EPHA5: variants seen among roughly 807,000 people sequenced by gnomAD.
EPHA5 encodes the protein EPH receptor A5, also known as ephrin type-A receptor 5.
A neutral mutation model predicts 105.0 loss-of-function variants in EPHA5; 60 were observed. That is an observed-to-expected ratio of 0.57 (90% CI 0.46 to 0.71). The LOEUF (loss-of-function observed/expected upper bound fraction) is 0.71, where lower values mean the gene tolerates loss of function less well. Ranked by LOEUF, EPHA5 falls within the 30% of genes least tolerant of loss-of-function variation. EPHA5 has a pLI of 0.00. For synonymous variants in EPHA5, 513 were observed against 449.1 expected (o/e 1.14, Z -1.80); for missense variants, 1,218 against 1,274.7 (o/e 0.96, Z 0.68).
intron 16 of EPHA5, among the ~76,000 whole-genome samples, chr4:65,324,987 C>T (rs183930667): frequency 4.6e-5 from 7 of 151,204 alleles, no homozygotes; most frequent in Non-Finnish European, 7.4e-5. Flanking sequence ...GGTTTTTCAA[C>T]GTTCTTTTAC....
At chr4:65,484,608 G>A (rs920010024) in intron 5 of EPHA5, among the ~76,000 whole-genome samples, 9 of 152,006 alleles carry the variant, frequency 5.9e-5, no homozygotes, top group Non-Finnish European at 1.0e-4. Context: ...GTCTGTTTCG[G>A]CCCAGAATTA....
intron 3 of EPHA5, among the ~76,000 whole-genome samples, chr4:65,542,947 C>T (rs1736991230): frequency 6.6e-6 from 1 of 151,820 alleles, no homozygotes; most frequent in Non-Finnish European, 1.5e-5. Context: ...TAATCCATCA[C>T]ATAAGCAGAA....
chr4:65,634,503 C>CTTCTA (rs1430296514), intron 2 of EPHA5, among the ~76,000 whole-genome samples: 1 of 151,942 alleles, frequency 6.6e-6, no homozygotes, highest in Non-Finnish European at 1.5e-5. Context: ...AATATTTTGT[C>CTTCTA]TTCTATACTT....
chr4:65,421,384 C>T (rs2149039625), intron 5 of EPHA5, among the ~76,000 whole-genome samples: 1 of 152,160 alleles, frequency 6.6e-6, no homozygotes, highest in South Asian at 2.1e-4. Flanking sequence ...CCTCCTAGTT[C>T]ACTGTAGTGT....
At chr4:65,381,457 A>G (rs1230348351) in intron 8 of EPHA5, among the ~76,000 whole-genome samples, 1 of 151,740 alleles carries the variant, frequency 6.6e-6, no homozygotes, top group East Asian at 1.9e-4. Context: ...TGTACTTTAT[A>G]ATTTCAAAAA....
At chr4:65,515,652 A>T (rs754100082) in intron 3 of EPHA5, among the ~76,000 whole-genome samples, 3 of 152,152 alleles carry the variant, frequency 2.0e-5, no homozygotes, top group Non-Finnish European at 4.4e-5. Flanking sequence ...TAGAAACACA[A>T]TCTATTTTGT....
At chr4:65,589,338 A>T (rs929287470) in intron 3 of EPHA5, among the ~76,000 whole-genome samples, 4 of 152,048 alleles carry the variant, frequency 2.6e-5, no homozygotes, top group African/African-American at 9.7e-5. Flanking sequence ...CCCTCCTCAA[A>T]TGTAAGTACA....
At chr4:65,399,501 T>C (rs1233911177) in intron 8 of EPHA5, among the ~76,000 whole-genome samples, 1 of 152,198 alleles carries the variant, frequency 6.6e-6, no homozygotes. Flanking sequence ...GGCTTCTGCC[T>C]GGAAAAGCAA....
chr4:65,601,517 G>A (rs1324717218), intron 3 of EPHA5, 124 bp downstream of exon 3: 1 of 978,648 alleles, frequency 1.0e-6, no homozygotes, highest in Non-Finnish European at 1.5e-6. Context: ...AATAAAACTT[G>A]AGAGAAATAA....
intron 3 of EPHA5, among the ~76,000 whole-genome samples, chr4:65,517,733 G>A (rs1734244831): frequency 6.6e-6 from 1 of 151,642 alleles, no homozygotes; most frequent in Non-Finnish European, 1.5e-5. Context: ...GGTGGAAAAC[G>A]TTTTCTTTTT....
Position 65,490,606 on chromosome 4 carries a change from A to G in EPHA5, c.1173T>C (p.Tyr391=), listed in dbSNP as rs539875158. ...ADTGGRKDVS[Y]YIACKKCNSH... is the part of the protein sequence containing the mutation. The stretch of plus-strand genomic sequence containing the variant: ...AGTTGCACTTCTTGCATGCAATATA[A>G]TATGACACGTCTTTCCTTCCACCAG... Residue 391 remains tyrosine, a synonymous_variant, in exon 5 of 17, where the codon TAT becomes TAC. Coordinates refer to ENST00000613740, the MANE Select transcript of EPHA5 (RefSeq NM_001281766.3). 2.5e-6 allele frequency: 4 copies of G among 1,614,144 alleles called. No homozygotes were observed. Among genetic ancestry groups the G allele is most frequent in the East Asian group, 2.2e-5 (1 of 44,880 alleles).
In EPHA5 at chr4:65,504,948, A is replaced by G. The variant is rs182365661; in HGVS notation, c.911-9405T>C. On this transcript the variant is annotated intron_variant, in intron 3 of 16. Coordinates refer to ENST00000613740, the MANE Select transcript of EPHA5 (RefSeq NM_001281766.3). ...ACGTTTTTATTTTACTTAAGATGCT[A>G]AGCAGTTCTTCTATCCCAAACAAAT... 3.0e-4 allele frequency among the ~76,000 whole-genome samples: 45 copies of G among 152,166 alleles called. No homozygotes were observed. In the East Asian group the frequency reaches 6.6e-3, roughly 22 times the overall value.
At chr4:65,405,037 A>T (rs1722224487) in intron 7 of EPHA5, among the ~76,000 whole-genome samples, 1 of 152,182 alleles carries the variant, frequency 6.6e-6, no homozygotes, top group Admixed American at 6.5e-5. Flanking sequence ...AGCACAATAT[A>T]TTTCATAAAT....
rs1491250291 is a variant in EPHA5 at position 65,492,991 on chromosome 4, TTG to T, written c.1067-2281_1067-2280del. ...TGTCAAACTTCTGTTTTGTTTTGTT[TTG>T]TTTTTTAATTTCTGCCAACTGAAAA... On this transcript the variant is annotated intron_variant, in intron 4 of 16. Transcript: ENST00000613740. Among the ~76,000 whole-genome samples the T allele has an allele frequency of 4.0e-5, 6 of 151,712 alleles. No individual in the cohort carries two copies. The East Asian group carries it at 1.2e-3, about 29-fold the overall frequency.
chr4:65,379,810 A>G (rs1419075529), intron 8 of EPHA5, among the ~76,000 whole-genome samples: 1 of 151,758 alleles, frequency 6.6e-6, no homozygotes, highest in Admixed American at 6.6e-5. Context: ...AATGTAATTT[A>G]AAAAATCATT....
intron 8 of EPHA5, among the ~76,000 whole-genome samples, chr4:65,382,335 G>A (rs1363072962): frequency 6.6e-6 from 1 of 151,102 alleles, no homozygotes; most frequent in Non-Finnish European, 1.5e-5. Context: ...TTTTTACTTT[G>A]TTTCATTACT....
At chr4:65,425,393 A>T (rs570076320) in intron 5 of EPHA5, among the ~76,000 whole-genome samples, 12 of 152,140 alleles carry the variant, frequency 7.9e-5, no homozygotes, top group Non-Finnish European at 1.6e-4. Flanking sequence ...TTATTAATGA[A>T]GCAGGTCTTA....
At chr4:65,443,556 C>A (rs1726216510) in intron 5 of EPHA5, among the ~76,000 whole-genome samples, 1 of 151,998 alleles carries the variant, frequency 6.6e-6, no homozygotes. Flanking sequence ...GCTGAAGCTA[C>A]CTTAGAAGCC....
intron 5 of EPHA5, 40 bp downstream of exon 5, chr4:65,490,337 T>C (rs1310565121): frequency 6.4e-7 from 1 of 1,564,538 alleles, no homozygotes; most frequent in Non-Finnish European, 8.8e-7. Flanking sequence ...TTGACAGAAC[T>C]AGGCCTCACA....
Sources: allele counts gnomAD v4.1 joint callset (sites outside exome capture counted in the v4.1 genomes callset), GRCh38; gene constraint gnomAD v4.1.1; transcripts MANE v1.5; gene names NCBI Gene and HGNC (gene_info 2026-07-23, HGNC 2026-07-21).